The following CHSY3 variants were observed in gnomAD, a reference collection of about 807,000 sequenced individuals.
CHSY3 encodes N-acetylgalactosaminyl-proteoglycan 3-beta-glucuronosyltransferase 3.
Under a neutral mutation model 67.2 loss-of-function variants are expected in CHSY3, and 35 were observed. The observed-to-expected ratio is 0.52, with a 90% CI of 0.40 to 0.69. CHSY3 has a LOEUF of 0.69. Among genes scored for constraint, CHSY3 ranks in the 30% least tolerant of loss-of-function variants. The pLI is 0.00. For missense variants in CHSY3, 1,069 were observed against 1,138.5 expected, an observed-to-expected ratio of 0.94 and a Z score of 0.88; for synonymous variants, 474 against 434.7, an observed-to-expected ratio of 1.09 and a Z score of -1.12.
chr5:130,165,416 AAATCACTTTCCC>A (rs1164893880), intron 2 of CHSY3, among the ~76,000 whole-genome samples: 1 of 152,186 alleles, frequency 6.6e-6, no homozygotes, highest in Non-Finnish European at 1.5e-5. Context: ...CATTATTGCA[AAATCACTTTCCC>A]AATTTGTCTT....
chr5:129,904,189 AG>A (rs1200362715), upstream of CHSY3, among the ~76,000 whole-genome samples: 3 of 142,698 alleles, frequency 2.1e-5, no homozygotes, highest in Non-Finnish European at 4.6e-5. Context: ...CTGGGGGAGG[AG>A]GGAAGAGGGG....
At chr5:130,010,464 C>T (rs1206633168) in intron 2 of CHSY3, among the ~76,000 whole-genome samples, 1 of 152,134 alleles carries the variant, frequency 6.6e-6, no homozygotes, top group Admixed American at 6.5e-5. Context: ...ACCAGAATCT[C>T]TGTGACACAG....
intron 2 of CHSY3, among the ~76,000 whole-genome samples, chr5:130,025,896 T>C (rs1023931800): frequency 6.6e-6 from 1 of 152,184 alleles, no homozygotes; most frequent in Non-Finnish European, 1.5e-5. Context: ...AGATATCATC[T>C]GGTTTGTGCG....
At chr5:130,143,784 G>A (rs867883041) in intron 2 of CHSY3, among the ~76,000 whole-genome samples, 56 of 73,784 alleles carry the variant, frequency 7.6e-4, no homozygotes, top group East Asian at 1.9e-3. Flanking sequence ...ATATATATGT[G>A]TATATATATA....
chr5:129,976,990 C>G (rs1580604797), intron 2 of CHSY3, among the ~76,000 whole-genome samples: 2 of 151,586 alleles, frequency 1.3e-5, no homozygotes, highest in Middle Eastern at 6.8e-3. Context: ...TATTTCAATA[C>G]TAGCCTAAAA....
At chr5:130,129,426 C>T (rs557579464) in intron 2 of CHSY3, among the ~76,000 whole-genome samples, 2 of 152,228 alleles carry the variant, frequency 1.3e-5, no homozygotes, top group Non-Finnish European at 2.9e-5. Context: ...GATCACTTAG[C>T]TTTGTTGGAA....
In CHSY3 at chr5:129,920,480, G is replaced by A. The variant is rs539208144; in HGVS notation, c.1086+12120G>A. Among the ~76,000 whole-genome samples, 10 of 152,200 alleles carry A rather than the reference G, an allele frequency of 6.6e-5. No homozygotes were observed. The East Asian group carries it at 9.7e-4, about 15-fold the overall frequency. On this transcript the variant is annotated intron_variant, in intron 2 of 2. Transcript: ENST00000305031. ...AGACTGGTCTTGAGCTCCTGATCTC[G>A]TGATCCACCCACCTTGGCCTCTCAA...
At chr5:129,987,389 C>CA (rs1350017478) in intron 2 of CHSY3, among the ~76,000 whole-genome samples, 1 of 152,152 alleles carries the variant, frequency 6.6e-6, no homozygotes, top group African/African-American at 2.4e-5. Flanking sequence ...GAATTAGGTA[C>CA]AAAATGTTTA....
chr5:130,028,911 A>G (rs1764631568), intron 2 of CHSY3, among the ~76,000 whole-genome samples: 1 of 150,874 alleles, frequency 6.6e-6, no homozygotes, highest in Non-Finnish European at 1.5e-5. Context: ...TCTCCCCCAC[A>G]TCTGCTTCTC....
chr5:129,969,007 A>G (rs1762552995), intron 2 of CHSY3, among the ~76,000 whole-genome samples: 1 of 151,824 alleles, frequency 6.6e-6, no homozygotes, highest in Admixed American at 6.6e-5. Context: ...AGAATGGTTA[A>G]TTTATGTGAA....
chr5:130,093,613 A>C (rs1365857806), intron 2 of CHSY3, among the ~76,000 whole-genome samples: 2 of 152,158 alleles, frequency 1.3e-5, no homozygotes, highest in Non-Finnish European at 2.9e-5. Flanking sequence ...GATATGGTTT[A>C]TTTTGCATTG....
intron 2 of CHSY3, among the ~76,000 whole-genome samples, chr5:130,058,109 A>G (rs150650899): frequency 6.6e-5 from 10 of 152,266 alleles, no homozygotes; most frequent in African/African-American, 2.4e-4. Flanking sequence ...CACTGCTGTC[A>G]TGACTCTAGA....
chr5:130,181,101 A>AGCACTGGGGTCAGTCGGGGC (rs1770229487), intron 2 of CHSY3, among the ~76,000 whole-genome samples: 1 of 152,102 alleles, frequency 6.6e-6, no homozygotes, highest in Non-Finnish European at 1.5e-5. Flanking sequence ...ATACGCTTAA[A>AGCACTGGGGTCAGTCGGGGC]GCACTGGGGT....
chr5:130,034,713 G>A (rs1223391628), intron 2 of CHSY3, among the ~76,000 whole-genome samples: 1 of 152,098 alleles, frequency 6.6e-6, no homozygotes, highest in Non-Finnish European at 1.5e-5. Context: ...AATAAAGCAG[G>A]ATGTCAAGAC....
At chr5:130,064,456 T>C (rs1765817692) in intron 2 of CHSY3, among the ~76,000 whole-genome samples, 1 of 152,120 alleles carries the variant, frequency 6.6e-6, no homozygotes, top group African/African-American at 2.4e-5. Context: ...CTTTTTGTGT[T>C]CGGTTAAGGA....
intron 2 of CHSY3, among the ~76,000 whole-genome samples, chr5:130,116,195 C>G (rs1767794013): frequency 6.6e-6 from 1 of 152,100 alleles, no homozygotes; most frequent in Non-Finnish European, 1.5e-5. Flanking sequence ...ACATTTCCAG[C>G]AGTAAAAAGA....
chr5:130,030,430 C>T (rs1764673783), intron 2 of CHSY3, among the ~76,000 whole-genome samples: 1 of 152,058 alleles, frequency 6.6e-6, no homozygotes, highest in Non-Finnish European at 1.5e-5. Flanking sequence ...GTCAAGTAAA[C>T]TTACTTTTAT....
At chr5:130,060,601 T>C (rs1039502433) in intron 2 of CHSY3, among the ~76,000 whole-genome samples, 2 of 152,080 alleles carry the variant, frequency 1.3e-5, no homozygotes, top group Non-Finnish European at 2.9e-5. Flanking sequence ...GGCCTCCAAA[T>C]TGAAAGAGAA....
chr5:130,033,695 C>T (rs1383706631), intron 2 of CHSY3, among the ~76,000 whole-genome samples: 1 of 152,074 alleles, frequency 6.6e-6, no homozygotes, highest in Non-Finnish European at 1.5e-5. Context: ...CTGAAGATCC[C>T]AGAGTTTTTG....
Sources: allele counts gnomAD v4.1 joint callset (sites outside exome capture counted in the v4.1 genomes callset), GRCh38; gene constraint gnomAD v4.1.1; transcripts MANE v1.5; gene names NCBI Gene and HGNC (gene_info 2026-07-23, HGNC 2026-07-21).